SIM1: variants seen among roughly 807,000 people sequenced by gnomAD.
SIM1 encodes the protein SIM bHLH transcription factor 1.
SIM1 carries 18 observed loss-of-function variants against 78.2 expected under a neutral mutation model. The observed-to-expected ratio is 0.23, with a 90% confidence interval of 0.16 to 0.34. The LOEUF (loss-of-function observed/expected upper bound fraction) is 0.34. SIM1 is among the 10% of genes least tolerant of loss of function. The pLI, the probability that SIM1 is intolerant of heterozygous loss-of-function variation, is 1.00. For synonymous variants in SIM1, 417 were observed against 385.2 expected (o/e 1.08, Z -0.97); for missense variants, 939 against 975.1 (o/e 0.96, Z 0.49).
In SIM1 at chr6:100,463,344, A is replaced by G. The variant is rs766148930; in HGVS notation, c.125T>C (p.Ile42Thr). Residue 42 changes from isoleucine to threonine, a missense_variant, in exon 2 of 12, where the codon ATA (isoleucine) becomes ACA (threonine). Transcript: ENST00000369208. ...AITSQLDKASIIRLTTSYLKM... is the reference protein window; with the variant it reads ...AITSQLDKASTIRLTTSYLKM... The stretch of plus-strand genomic sequence containing the variant: ...GAGATAGCTGGTCGTGAGTCTGATT[A>G]TGGATGCTTTGTCCAGCTGCGAGGT... 13 of 1,614,084 alleles carry G rather than the reference A, an allele frequency of 8.1e-6. No individual in the cohort carries two copies. The highest frequency in any genetic ancestry group is 1.1e-5 in the Non-Finnish European group (13 of 1,179,964).
intron 10 of SIM1, among the ~76,000 whole-genome samples, chr6:100,410,547 T>A (rs1039739297): frequency 1.3e-5 from 2 of 152,114 alleles, no homozygotes; most frequent in Non-Finnish European, 2.9e-5. Context: ...CTTTGATGGG[T>A]GGATAGGATT....
chr6:100,450,696 T>TCTCTCTCTCTCTCTCACA (rs1421452803), intron 3 of SIM1, among the ~76,000 whole-genome samples: 145 of 91,912 alleles, frequency 1.6e-3, no homozygotes, highest in African/African-American at 3.4e-3. Flanking sequence ...TCTCTCTCTC[T>TCTCTCTCTCTCTCTCACA]CACACACACA....
At chr6:100,419,277 C>T (rs1428887382) in intron 10 of SIM1, among the ~76,000 whole-genome samples, 1 of 152,168 alleles carries the variant, frequency 6.6e-6, no homozygotes, top group African/African-American at 2.4e-5. Context: ...TGAAAAACAT[C>T]TGGGCATCAC....
At chr6:100,412,226 T>C (rs12212977) in intron 10 of SIM1, among the ~76,000 whole-genome samples, 4,213 of 152,038 alleles carry the variant, frequency 0.028, 110 homozygotes, top group Non-Finnish European at 0.041. Context: ...GAAGATCAAA[T>C]GGGTGAAAGC....
intron 2 of SIM1, among the ~76,000 whole-genome samples, chr6:100,455,590 A>T (rs894369825): frequency 2.0e-5 from 3 of 152,222 alleles, no homozygotes; most frequent in African/African-American, 7.2e-5. Flanking sequence ...CACGGGGGAA[A>T]GGAGAAAGGA....
chr6:100,433,449 G>A (rs575454243), intron 9 of SIM1, among the ~76,000 whole-genome samples: 1 of 152,180 alleles, frequency 6.6e-6, no homozygotes, highest in African/African-American at 2.4e-5. Flanking sequence ...CTTCATTTAT[G>A]AATCTTTAGA....
At chr6:100,420,760 A>G (rs532048333) in intron 10 of SIM1, 30 bp downstream of exon 10, 4 of 1,611,598 alleles carry the variant, frequency 2.5e-6, no homozygotes, top group Admixed American at 1.7e-5. Flanking sequence ...CGCCAAAAAA[A>G]AGAAAGTTGC....
intron 10 of SIM1, among the ~76,000 whole-genome samples, chr6:100,398,485 T>G (rs1425387166): frequency 6.6e-6 from 1 of 152,122 alleles, no homozygotes; most frequent in East Asian, 1.9e-4. Context: ...CTGTCTCTAT[T>G]ACTTTGACTA....
Position 100,396,038 on chromosome 6 carries a change from A to C in SIM1, c.1168-2149T>G, listed in dbSNP as rs181568464. The C allele has an allele frequency of 7.9e-4, 761 of 967,986 alleles. 4 individuals carry two copies. In the African/African-American group the frequency reaches 0.013, roughly 16 times the overall value. The allele number at this position is 967,986 out of a possible 1,614,324, so 60.0% of individuals were successfully genotyped here. The stretch of plus-strand genomic sequence containing the variant: ...GTTGTAGAATAGGAGACATCAAGGC[A>C]TCCTGGGGCTCGGTACCTACATCAT... On this transcript the variant is annotated intron_variant, in intron 10 of 11. Coordinates refer to ENST00000369208, the MANE Select transcript of SIM1 (RefSeq NM_005068.3).
At position 100,420,908 on chromosome 6, in the gene SIM1, G is replaced by A; in HGVS notation, c.1049C>T (p.Ser350Phe). Residue 350 changes from serine to phenylalanine, a missense_variant, in exon 10 of 12, where the codon TCC becomes TTC. Around this residue, in one of 5 missense-constraint regions of SIM1, gnomAD observed 66 missense variants for 108.4 expected, o/e 0.61. Transcript: ENST00000369208. ...LQLSLDQISA[S>F]KPAFSYTSSS... ...GCTGGTATAGGAGAAGGCTGGTTTG[G>A]AGGCTGAGATCTGATCCAGGGAGAG... The A allele has an allele frequency of 1.2e-6, 2 of 1,613,912 alleles. No homozygotes were observed. The highest frequency in any genetic ancestry group is 1.7e-6 in the Non-Finnish European group (2 of 1,179,940).
chr6:100,420,826 G>C lies in SIM1; in HGVS notation c.1131C>G (p.Ser377Arg), dbSNP rs760686328. The C allele has an allele frequency of 6.2e-7, 1 of 1,614,132 alleles. No individual in the cohort carries two copies. Residue 377 changes from serine (S) to arginine (R), a missense_variant, in exon 10 of 12, where the codon AGC (serine) becomes AGG (arginine). Physicochemically the swap from Ser to Arg is moderately radical, Grantham distance 110. This residue lies in a region of SIM1 where 556 missense variants were observed against 521.9 expected (regional missense o/e 1.07). Transcript: ENST00000369208. The stretch of plus-strand genomic sequence containing the variant: ...GGGAAGTCCTGGATTTTGACTTTGA[G>C]CTGGAGAGCCGGGATTTGGCCCCCT... ...NRKGAKSRLSSSKSKSRTSPY... is the reference protein window; with the variant it reads ...NRKGAKSRLSRSKSKSRTSPY...
Position 100,464,610 on chromosome 6 carries a change from C to T in SIM1, c.-468+4G>A, listed in dbSNP as rs1188082745. 6.6e-6 allele frequency: 1 copy of T among 152,294 alleles called. No homozygotes were observed. The highest frequency in any genetic ancestry group is 6.5e-5 in the Admixed American group (1 of 15,288). 9.4% of individuals were successfully genotyped at this position (152,294 alleles called of 1,614,324 possible). A position where few individuals can be genotyped will look rare whatever the true frequency, so the allele number is the denominator to read the frequency against. ...GGGCGCGGGGCGTCTTCTGCTTCAC[C>T]TACCTTCAGTCCCCACAAGCGGCAG... On this transcript the variant is annotated splice_donor_region_variant and intron_variant, in intron 1 of 11. Transcript: ENST00000369208.
chr6:100,391,206 A>G lies in SIM1; in HGVS notation c.1571-115T>C, dbSNP rs1332365411. On this transcript the variant is annotated intron_variant, in intron 11 of 11. Transcript: ENST00000369208. Reference sequence around the variant, plus strand: ...ATCTTTCATTTTTAATATATGCACCAATATTTGAAACAGGCTCACATGATG... The same window carrying G: ...ATCTTTCATTTTTAATATATGCACCGATATTTGAAACAGGCTCACATGATG... 1.3e-5 allele frequency: 15 copies of G among 1,148,832 alleles called. No homozygotes were observed. In the East Asian group the frequency reaches 2.1e-4, roughly 16 times the overall value. The allele number at this position is 1,148,832 out of a possible 1,614,324, so 71.2% of individuals were successfully genotyped here. A position where few individuals can be genotyped will look rare whatever the true frequency, so the allele number is the denominator to read the frequency against.
At chr6:100,401,332 G>C (rs1770910193) in intron 10 of SIM1, among the ~76,000 whole-genome samples, 1 of 152,072 alleles carries the variant, frequency 6.6e-6, no homozygotes, top group Non-Finnish European at 1.5e-5. Context: ...ATAGACTCTT[G>C]GACTAAGTCT....
intron 10 of SIM1, among the ~76,000 whole-genome samples, chr6:100,397,329 T>A (rs960154929): frequency 6.6e-6 from 1 of 152,180 alleles, no homozygotes; most frequent in South Asian, 2.1e-4. Context: ...ACAAATTAAG[T>A]CACACATGAC....
At chr6:100,424,415 T>G (rs372054372) in intron 9 of SIM1, among the ~76,000 whole-genome samples, 3 of 151,852 alleles carry the variant, frequency 2.0e-5, no homozygotes, top group East Asian at 3.9e-4. Context: ...TCATATGGAT[T>G]TGGTGAATTT....
intron 10 of SIM1, among the ~76,000 whole-genome samples, chr6:100,402,563 T>TTC: frequency 7.5e-6 from 1 of 133,292 alleles, no homozygotes; most frequent in African/African-American, 2.6e-5. Context: ...TTCTTTTCTT[T>TTC]TCTCTTTTTT....
chr6:100,413,325 C>A (rs552170140), intron 10 of SIM1, among the ~76,000 whole-genome samples: 1 of 152,258 alleles, frequency 6.6e-6, no homozygotes, highest in African/African-American at 2.4e-5. Flanking sequence ...CTGCTAAGGA[C>A]CTCTAGGTGG....
At chr6:100,457,087 A>C (rs987523284) in intron 2 of SIM1, among the ~76,000 whole-genome samples, 4 of 152,222 alleles carry the variant, frequency 2.6e-5, no homozygotes, top group African/African-American at 9.6e-5. Context: ...AGCAAAAATA[A>C]ATTGATAGAG....
Sources: allele counts gnomAD v4.1 joint callset (sites outside exome capture counted in the v4.1 genomes callset), GRCh38; gene constraint gnomAD v4.1.1; regional missense constraint gnomAD v4.1.1; transcripts MANE v1.5; gene names NCBI Gene and HGNC (gene_info 2026-07-23, HGNC 2026-07-21).